STPG2: variants seen among roughly 807,000 people sequenced by gnomAD.
The protein encoded by STPG2 is sperm tail PG-rich repeat containing 2, also known as sperm-tail PG-rich repeat-containing protein 2.
In STPG2, 56 loss-of-function variants were observed where a neutral mutation model predicts 54.2. The observed-to-expected ratio is 1.03, with a 90% CI of 0.83 to 1.29. STPG2 has a LOEUF of 1.29. Ranked by LOEUF, STPG2 falls within the 50% of genes most tolerant of loss-of-function variation. The pLI, the probability that STPG2 is intolerant of heterozygous loss-of-function variation, is 0.00. For missense variants in STPG2, 596 were observed against 544.9 expected, an observed-to-expected ratio of 1.09 and a Z score of -0.93; for synonymous variants, 200 against 181.8, an observed-to-expected ratio of 1.10 and a Z score of -0.81.
intron 9 of STPG2, among the ~76,000 whole-genome samples, chr4:97,760,965 C>G (rs1030089905): frequency 1.3e-5 from 2 of 152,276 alleles, no homozygotes; most frequent in Admixed American, 6.5e-5. Context: ...TCAAAGCCAG[C>G]AGTGGCAGGT....
At chr4:97,506,682 T>G (rs987038618) in intron 4 of STPG2, among the ~76,000 whole-genome samples, 2 of 152,008 alleles carry the variant, frequency 1.3e-5, no homozygotes, top group Non-Finnish European at 2.9e-5. Context: ...CTCTTAGAAT[T>G]GCCTAGAAAA....
intron 5 of STPG2, among the ~76,000 whole-genome samples, chr4:98,097,438 T>C (rs1033742821): frequency 6.6e-6 from 1 of 152,036 alleles, no homozygotes; most frequent in Non-Finnish European, 1.5e-5. Context: ...ACTTGCCTGA[T>C]AAAAACCCTC....
intron 4 of STPG2, among the ~76,000 whole-genome samples, chr4:97,511,341 T>C (rs1177854959): frequency 6.6e-6 from 1 of 151,848 alleles, no homozygotes; most frequent in African/African-American, 2.4e-5. Flanking sequence ...GAATTTATGG[T>C]GAAAAAAACT....
At chr4:98,007,481 A>G (rs943930917) in intron 5 of STPG2, among the ~76,000 whole-genome samples, 1 of 152,214 alleles carries the variant, frequency 6.6e-6, no homozygotes, top group Admixed American at 6.5e-5. Flanking sequence ...ATGGAAGTGA[A>G]TTCAAAAATA....
At chr4:97,832,570 CAAA>C in intron 9 of STPG2, among the ~76,000 whole-genome samples, 1 of 152,280 alleles carries the variant, frequency 6.6e-6, no homozygotes, top group Non-Finnish European at 1.5e-5. Context: ...AAGAGAAAGT[CAAA>C]TTGTCTCTGT....
chr4:97,763,529 T>G (rs1725950410), intron 9 of STPG2, among the ~76,000 whole-genome samples: 1 of 152,122 alleles, frequency 6.6e-6, no homozygotes, highest in Admixed American at 6.6e-5. Flanking sequence ...CTAAGGCAAA[T>G]AGAGAACCTA....
At chr4:98,046,040 T>C (rs142551698) in intron 5 of STPG2, among the ~76,000 whole-genome samples, 6 of 139,646 alleles carry the variant, frequency 4.3e-5, no homozygotes, top group African/African-American at 1.6e-4. Flanking sequence ...ATCTTCATAG[T>C]TTTTTCATTC....
intron 4 of STPG2, among the ~76,000 whole-genome samples, chr4:97,519,268 G>C (rs898683853): frequency 6.6e-6 from 1 of 152,168 alleles, no homozygotes; most frequent in East Asian, 1.9e-4. Context: ...TTCAAAGATG[G>C]TGGGAAGGGT....
chr4:97,801,852 T>C (rs1209410319), intron 9 of STPG2, among the ~76,000 whole-genome samples: 6 of 152,138 alleles, frequency 3.9e-5, no homozygotes, highest in African/African-American at 9.7e-5. Context: ...TGCCATCAAT[T>C]AGAACTGAAC....
At chr4:98,003,941 T>A (rs773649416) in intron 5 of STPG2, among the ~76,000 whole-genome samples, 1 of 152,134 alleles carries the variant, frequency 6.6e-6, no homozygotes, top group Non-Finnish European at 1.5e-5. Context: ...GAAAACATTG[T>A]GAAATGATTA....
chr4:98,019,647 G>A (rs1736104680), intron 5 of STPG2, among the ~76,000 whole-genome samples: 1 of 150,018 alleles, frequency 6.7e-6, no homozygotes, highest in African/African-American at 2.5e-5. Context: ...TCCAACCAAT[G>A]AGCACGGAAT....
At chr4:98,110,584 T>C (rs1578174686) in intron 3 of STPG2, among the ~76,000 whole-genome samples, 2 of 152,214 alleles carry the variant, frequency 1.3e-5, no homozygotes, top group Admixed American at 6.5e-5. Flanking sequence ...CATGCCAACA[T>C]ACAAAACCCA....
chr4:97,735,180 A>C (rs1214247201), intron 9 of STPG2, among the ~76,000 whole-genome samples: 1 of 152,062 alleles, frequency 6.6e-6, no homozygotes, highest in Non-Finnish European at 1.5e-5. Flanking sequence ...TATATAGTTC[A>C]TATATATACT....
rs556965392 is a variant in STPG2, at chr4:97,603,412, TA to T, written c.1321-44296del. 3.3e-3 allele frequency among the ~76,000 whole-genome samples: 500 copies of T among 151,654 alleles called. 3 individuals carry two copies. Among genetic ancestry groups the T allele is most frequent in the African/African-American group, 0.011 (472 of 41,466 alleles). On this transcript the variant is annotated intron_variant, in intron 10 of 10. Coordinates refer to ENST00000295268, the MANE Select transcript of STPG2 (RefSeq NM_174952.3). The stretch of plus-strand genomic sequence containing the variant: ...TATGGTAAACAGTATGGCTGTTACT[TA>T]AAAAATTAAAAATAGAATTACCATA...
At chr4:97,566,679 A>G in intron 10 of STPG2, among the ~76,000 whole-genome samples, 1 of 152,112 alleles carries the variant, frequency 6.6e-6, no homozygotes, top group Non-Finnish European at 1.5e-5. Context: ...TGGCACATAT[A>G]CACCATGGAA....
At position 97,600,262 on chromosome 4, in the gene STPG2, C is replaced by T. The variant is rs191816536; in HGVS notation, c.1321-41145G>A. On this transcript the variant is annotated intron_variant, in intron 10 of 10. Coordinates refer to ENST00000295268, the MANE Select transcript of STPG2 (RefSeq NM_174952.3). The stretch of plus-strand genomic sequence containing the variant: ...AATAAAAATTAAAAAATAATAATAG[C>T]ACATGTAAAAAGAATTTAATTCAAT... Among the ~76,000 whole-genome samples, 3 of 152,230 alleles carry T rather than the reference C, an allele frequency of 2.0e-5. No homozygotes were observed. In the East Asian group the frequency reaches 5.8e-4, roughly 29 times the overall value.
At chr4:97,637,137 A>C (rs1028443866) in intron 10 of STPG2, among the ~76,000 whole-genome samples, 10 of 152,006 alleles carry the variant, frequency 6.6e-5, no homozygotes, top group Admixed American at 3.3e-4. Context: ...CAAAAAGCTT[A>C]TCCACCATGA....
At chr4:97,591,769 G>A (rs1266816331) in intron 10 of STPG2, among the ~76,000 whole-genome samples, 1 of 152,142 alleles carries the variant, frequency 6.6e-6, no homozygotes, top group African/African-American at 2.4e-5. Flanking sequence ...CATTAATCCT[G>A]TGAATGTCAT....
intron 4 of STPG2, among the ~76,000 whole-genome samples, chr4:97,549,053 C>A (rs1050638201): frequency 2.4e-4 from 36 of 152,346 alleles, no homozygotes; most frequent in African/African-American, 7.2e-4. Flanking sequence ...TTGTACTCAG[C>A]CTACGAAATG....
Sources: allele counts gnomAD v4.1 joint callset (sites outside exome capture counted in the v4.1 genomes callset), GRCh38; gene constraint gnomAD v4.1.1; transcripts MANE v1.5; gene names NCBI Gene and HGNC (gene_info 2026-07-23, HGNC 2026-07-21).